Variants in MCF2L2 observed in about 807,000 individuals in gnomAD.
MCF2L2 encodes the protein MCF.2 cell line derived transforming sequence-like 2, also known as probable guanine nucleotide exchange factor MCF2L2.
Under a neutral mutation model 150.2 loss-of-function variants are expected in MCF2L2, and 102 were observed. That is an observed-to-expected ratio of 0.68 (90% CI 0.58 to 0.80). The LOEUF (loss-of-function observed/expected upper bound fraction) is 0.80. Ranked by LOEUF, MCF2L2 falls within the 30% of genes least tolerant of loss-of-function variation. The probability of loss-of-function intolerance (pLI) is 0.00; values close to 1 mark genes in which losing one functional copy is unlikely to be tolerated. For missense variants in MCF2L2, 1,256 were observed against 1,372.8 expected (o/e 0.91, Z 1.34); for synonymous variants, 465 against 491.3 (o/e 0.95, Z 0.71).
chr3:183,340,878 G>A (rs1301905842), intron 4 of MCF2L2, among the ~76,000 whole-genome samples: 3 of 152,230 alleles, frequency 2.0e-5, no homozygotes, highest in Admixed American at 6.5e-5. Flanking sequence ...GGGAGGCAGA[G>A]GTTGCAGTCA....
intron 3 of MCF2L2, among the ~76,000 whole-genome samples, chr3:183,355,613 ATTTTTTTTTTTTTT>A (rs71185653): frequency 1.1e-3 from 92 of 84,448 alleles, no homozygotes; most frequent in African/African-American, 5.1e-3. Context: ...CGCCCAGCTA[ATTTTTTTTTTTTTT>A]TTTTTTTTTT....
At chr3:183,351,488 T>C (rs566068793) in intron 3 of MCF2L2, among the ~76,000 whole-genome samples, 55 of 152,058 alleles carry the variant, frequency 3.6e-4, no homozygotes, top group Non-Finnish European at 6.3e-4. Flanking sequence ...CCTGTTTGTC[T>C]AGCACTGAGA....
chr3:183,373,236 A>G (rs1235988193), intron 3 of MCF2L2: 1 of 152,186 alleles, frequency 6.6e-6, no homozygotes, highest in Non-Finnish European at 1.5e-5. Flanking sequence ...TGGAAACAGA[A>G]TAGAGATGTG....
chr3:183,354,750 C>G (rs1711659748), intron 3 of MCF2L2, among the ~76,000 whole-genome samples: 1 of 152,164 alleles, frequency 6.6e-6, no homozygotes, highest in African/African-American at 2.4e-5. Flanking sequence ...ACCCAATGAC[C>G]TTGGGCACAT....
chr3:183,247,609 A>G (rs1433342659), intron 15 of MCF2L2, among the ~76,000 whole-genome samples: 1 of 152,220 alleles, frequency 6.6e-6, no homozygotes, highest in Non-Finnish European at 1.5e-5. Context: ...TCAGTCCTCC[A>G]TCTCTGTAGG....
intron 11 of MCF2L2, chr3:183,298,710 T>C (rs569624449): frequency 1.4e-5 from 2 of 148,022 alleles, no homozygotes; most frequent in Admixed American, 6.6e-5. Flanking sequence ...AGAGTTACTA[T>C]GGCTACTTGC....
chr3:183,359,103 G>A (rs9811069), intron 3 of MCF2L2, among the ~76,000 whole-genome samples: 43,400 of 151,252 alleles, frequency 0.29, 8,426 homozygotes, highest in African/African-American at 0.55. Context: ...ATGAAAATTT[G>A]ATGCCAGAAT....
intron 1 of MCF2L2, chr3:183,400,428 C>G: frequency 2.2e-6 from 1 of 456,574 alleles, no homozygotes; most frequent in Non-Finnish European, 4.4e-6. Context: ...CTCTGTTATC[C>G]GCACCAAGGT....
In MCF2L2 at chr3:183,278,111, G is replaced by A. The variant is rs1041933974; in HGVS notation, c.1777-1154C>T. ...AGGCAGGAGAATCACTTGAGCCTGG[G>A]AGGCAGAGGTTGCGGTGAGCTGAGA... On this transcript the variant is annotated intron_variant, in intron 14 of 29. Transcript: ENST00000328913. Among the ~76,000 whole-genome samples the A allele has an allele frequency of 5.1e-4, 78 of 151,710 alleles. 1 individual carries two copies. The highest frequency in any genetic ancestry group is 1.7e-3 in the African/African-American group (72 of 41,448).
intron 8 of MCF2L2, among the ~76,000 whole-genome samples, chr3:183,311,436 T>C (rs1158619661): frequency 6.6e-6 from 1 of 152,206 alleles, no homozygotes; most frequent in Admixed American, 6.5e-5. Flanking sequence ...GTCATATACA[T>C]TGAAGAGGGG....
At chr3:183,229,848 CT>C in intron 16 of MCF2L2, 67 bp from the exon 17 acceptor site, 3 of 641,650 alleles carry the variant, frequency 4.7e-6, no homozygotes, top group Non-Finnish European at 8.3e-6. Flanking sequence ...GAATTAGCTA[CT>C]GCAAAACCCA....
chr3:183,427,809 G>A, intron 1 of MCF2L2, 93 bp downstream of exon 1: 2 of 1,094,460 alleles, frequency 1.8e-6, no homozygotes, highest in South Asian at 1.3e-5. Flanking sequence ...GCGCTGCCCC[G>A]GGGCAGCGGG....
intron 2 of MCF2L2, among the ~76,000 whole-genome samples, chr3:183,383,381 T>C (rs1020979897): frequency 6.6e-6 from 1 of 152,064 alleles, no homozygotes; most frequent in African/African-American, 2.4e-5. Context: ...ATTACAGGTA[T>C]GCACCACCAC....
chr3:183,345,279 A>AC (rs1730855383), intron 3 of MCF2L2, among the ~76,000 whole-genome samples: 1 of 152,222 alleles, frequency 6.6e-6, no homozygotes, highest in Non-Finnish European at 1.5e-5. Flanking sequence ...TCAAAACTGC[A>AC]CAACTACATG....
intron 26 of MCF2L2, among the ~76,000 whole-genome samples, chr3:183,193,880 C>T (rs925518921): frequency 6.6e-6 from 1 of 152,136 alleles, no homozygotes; most frequent in Non-Finnish European, 1.5e-5. Flanking sequence ...GGTTTGCTGG[C>T]CTCATCTGAT....
chr3:183,317,529 G>A (rs192714283), intron 7 of MCF2L2, among the ~76,000 whole-genome samples: 1 of 152,216 alleles, frequency 6.6e-6, no homozygotes, highest in Admixed American at 6.5e-5. Context: ...TCAGGACAGG[G>A]TGCCTTCCGT....
At chr3:183,408,037 G>C (rs1182117295) in intron 1 of MCF2L2, among the ~76,000 whole-genome samples, 1 of 152,132 alleles carries the variant, frequency 6.6e-6, no homozygotes, top group African/African-American at 2.4e-5. Flanking sequence ...AGATGCCTCC[G>C]GCTCCATTTC....
intron 25 of MCF2L2, among the ~76,000 whole-genome samples, chr3:183,205,644 G>C (rs1173078991): frequency 6.6e-6 from 1 of 152,082 alleles, no homozygotes; most frequent in African/African-American, 2.4e-5. Flanking sequence ...ATTAAGTGGT[G>C]GGGGGAACAC....
chr3:183,188,018 C>A (rs558356632), intron 27 of MCF2L2, among the ~76,000 whole-genome samples: 1 of 152,316 alleles, frequency 6.6e-6, no homozygotes, highest in African/African-American at 2.4e-5. Context: ...TGCTGCTTAA[C>A]AAAGGCCGAG....
Sources: allele counts gnomAD v4.1 joint callset (sites outside exome capture counted in the v4.1 genomes callset), GRCh38; gene constraint gnomAD v4.1.1; transcripts MANE v1.5; gene names NCBI Gene and HGNC (gene_info 2026-07-23, HGNC 2026-07-21).